The following CCDC88B variants were observed in gnomAD, a reference collection of about 807,000 sequenced individuals.
CCDC88B encodes coiled-coil domain-containing protein 88B.
Under a neutral mutation model 183.7 loss-of-function variants are expected in CCDC88B, and 138 were observed. The ratio of observed to expected loss-of-function variants is 0.75; its 90% CI spans 0.65 to 0.87. The LOEUF (loss-of-function observed/expected upper bound fraction) is 0.87, where lower values mean the gene tolerates loss of function less well. CCDC88B is among the 40% of genes least tolerant of loss of function. CCDC88B has a pLI of 0.00. For missense variants in CCDC88B, 1,822 were observed against 1,965.6 expected (o/e 0.93, Z 1.38); for synonymous variants, 835 against 867.5 (o/e 0.96, Z 0.66).
chr11:64,353,315 G>A, intron 21 of CCDC88B, 36 bp from the exon 22 acceptor site: 1 of 1,607,106 alleles, frequency 6.2e-7, no homozygotes. Flanking sequence ...TCCTGAGCTG[G>A]GTCCCACCCT....
chr11:64,350,159 G>T (rs2036271290), intron 16 of CCDC88B: 1 of 175,246 alleles, frequency 5.7e-6, no homozygotes, highest in Non-Finnish European at 1.2e-5. Context: ...GGCTTGGGAG[G>T]GTGGTACCCA....
rs747127696 is a variant in CCDC88B, at chr11:64,354,058, G to T, written c.3987G>T (p.Glu1329Asp). 7 of 1,443,588 alleles carry T rather than the reference G, an allele frequency of 4.8e-6. No individual in the cohort carries two copies. The highest frequency in any genetic ancestry group is 9.2e-7 in the Non-Finnish European group (1 of 1,092,724). The allele number at this position is 1,443,588 out of a possible 1,614,324, so 89.4% of individuals were successfully genotyped here. Residue 1329 changes from glutamate to aspartate, a missense_variant, in exon 24 of 27, where the codon GAG (glutamate) becomes GAT (aspartate). Coordinates refer to ENST00000356786, the MANE Select transcript of CCDC88B (RefSeq NM_032251.6). ...KVKRLMRPRREGGPPGGLRLG... is the reference protein window; with the variant it reads ...KVKRLMRPRRDGGPPGGLRLG... ...AGAGGCTGATGCGGCCCCGGCGGGA[G>T]GGGGGCCCCCCTGGGGGGCTGCGCC...
chr11:64,349,838 T>A, intron 16 of CCDC88B, 170 bp downstream of exon 16: 1 of 644,672 alleles, frequency 1.6e-6, no homozygotes, highest in South Asian at 1.9e-5. Context: ...GGGAGTCAGG[T>A]GGCCGTGTTG....
chr11:64,355,268 C>A lies in CCDC88B; in HGVS notation c.4174C>A (p.Gln1392Lys), dbSNP rs965773811. The A allele has an allele frequency of 1.9e-6, 3 of 1,578,498 alleles. No individual in the cohort carries two copies. Among genetic ancestry groups the A allele is most frequent in the Admixed American group, 1.8e-5 (1 of 54,522 alleles). ...CLRDETLAGG[Q>K]RRKLSSRFPV... ...GCGGGATGAGACCTTGGCAGGCGGG[C>A]AGCGGCGGAAACTCAGCTCAAGGTT... is the stretch of plus-strand genomic sequence containing the variant. The change falls in exon 25 of 27, where the codon CAG (glutamine) becomes AAG (lysine). Residue 1392 changes from glutamine to lysine, a missense_variant. Transcript: ENST00000356786.
chr11:64,341,356 A>G (rs1023781906), intron 5 of CCDC88B, 28 bp downstream of exon 5: 5 of 1,613,876 alleles, frequency 3.1e-6, no homozygotes, highest in Non-Finnish European at 4.2e-6. Context: ...AGGAAAGGTT[A>G]GGGTCGAGCT....
Position 64,353,496 on chromosome 11 carries a change from T to C in CCDC88B, c.3833T>C (p.Leu1278Pro). ...DHLHREQREY[L>P]DQLNALRREK... Reference sequence around the variant, plus strand: ...CTGCACCGCGAACAGCGGGAGTACCTGTGAGTGGGCCGCCTGGGAGCGGGG... The same window carrying C: ...CTGCACCGCGAACAGCGGGAGTACCCGTGAGTGGGCCGCCTGGGAGCGGGG... Residue 1278 changes from leucine (L) to proline (P), a missense_variant and splice_region_variant, in exon 22 of 27, where the codon CTG becomes CCG. Physicochemically the swap from Leu to Pro is moderately conservative, Grantham distance 98. Transcript: ENST00000356786. 1 of 1,610,704 alleles carries C rather than the reference T, an allele frequency of 6.2e-7. No homozygotes were observed. The highest frequency in any genetic ancestry group is 8.5e-7 in the Non-Finnish European group (1 of 1,179,446).
intron 24 of CCDC88B, among the ~76,000 whole-genome samples, chr11:64,354,877 G>A (rs571853091): frequency 6.7e-4 from 38 of 57,090 alleles, no homozygotes; most frequent in African/African-American, 2.2e-3. Flanking sequence ...CCCCCTCCCT[G>A]CATGAGCCTC....
Position 64,341,592 on chromosome 11 carries a change from G to T in CCDC88B, c.532-7G>T. On this transcript the variant is annotated splice_polypyrimidine_tract_variant and splice_region_variant and intron_variant, in intron 6 of 26. Coordinates refer to ENST00000356786, the MANE Select transcript of CCDC88B (RefSeq NM_032251.6). ...GCTTCCACTGAACTGCTCTTCCTGC[G>T]CCCCAGGTGACCCAGCCGGGGGCCG... 5.0e-6 allele frequency: 8 copies of T among 1,602,310 alleles called. No homozygotes were observed. The highest frequency in any genetic ancestry group is 2.2e-5 in the South Asian group (2 of 89,790).
At chr11:64,351,702 C>A in intron 18 of CCDC88B, 86 bp downstream of exon 18, 1 of 1,414,186 alleles carries the variant, frequency 7.1e-7, no homozygotes, top group South Asian at 1.5e-5. Context: ...TTTTCTATCC[C>A]AGCTCCCAGC....
chr11:64,342,290 C>T lies in CCDC88B; in HGVS notation c.822-4C>T. 1 of 1,584,160 alleles carries T rather than the reference C, an allele frequency of 6.3e-7. No homozygotes were observed. Among genetic ancestry groups the T allele is most frequent in the Non-Finnish European group, 8.6e-7 (1 of 1,165,854 alleles). ...GACCCTCCCTAGACTCCCCTTCCCT[C>T]CAGGGAGGAGAAGGCCGAGCTGCTG... On this transcript the variant is annotated splice_polypyrimidine_tract_variant and splice_region_variant and intron_variant, in intron 8 of 26. Coordinates refer to ENST00000356786, the MANE Select transcript of CCDC88B (RefSeq NM_032251.6).
Position 64,349,162 on chromosome 11 carries a change from C to T in CCDC88B, c.2617-169C>T, listed in dbSNP as rs1591290154. On this transcript the variant is annotated intron_variant, in intron 14 of 26. Transcript: ENST00000356786. ...GCTCTTTCATGCCCAATTTCAAGGG[C>T]CCCAGGCTTTGCTCCCATTTTATAG... 19 of 825,064 alleles carry T rather than the reference C, an allele frequency of 2.3e-5. No homozygotes were observed. In the East Asian group the frequency reaches 2.4e-4, roughly 10 times the overall value. 51.1% of individuals were successfully genotyped at this position (825,064 alleles called of 1,614,324 possible).
In CCDC88B at chr11:64,357,350, G is replaced by A. The variant is rs566555802; in HGVS notation, c.*256G>A. ...GTTCTGGTTCTTCCAGGTGGCTCCC[G>A]CTGAGGCAGCGGTCTCTGGGGGATC... is the stretch of plus-strand genomic sequence containing the variant. On this transcript the variant is annotated 3_prime_UTR_variant, in exon 27 of 27. Transcript: ENST00000356786. 4.3e-5 allele frequency: 31 copies of A among 718,334 alleles called. No homozygotes were observed. The highest frequency in any genetic ancestry group is 7.0e-5 in the African/African-American group (4 of 57,404). The allele number at this position is 718,334 out of a possible 1,614,324, so 44.5% of individuals were successfully genotyped here.
At chr11:64,351,086 T>C in intron 16 of CCDC88B, 74 bp from the exon 17 acceptor site, 1 of 1,102,398 alleles carries the variant, frequency 9.1e-7, no homozygotes, top group South Asian at 1.8e-5. Flanking sequence ...GGCAGGTCCA[T>C]AAGCGCAGGT....
Position 64,349,564 on chromosome 11 carries a change from G to A in CCDC88B, c.2758G>A (p.Glu920Lys), listed in dbSNP as rs1436510966. 6.2e-7 allele frequency: 1 copy of A among 1,601,096 alleles called. No individual in the cohort carries two copies. Among genetic ancestry groups the A allele is most frequent in the Admixed American group, 1.7e-5 (1 of 57,960 alleles). Reference sequence around the variant, plus strand: ...TTCTCCTGGCAGGTACCAGGGCTTGGAGCAGCGGCTGGAAGCTGAGCTGCA... The same window carrying A: ...TTCTCCTGGCAGGTACCAGGGCTTGAAGCAGCGGCTGGAAGCTGAGCTGCA... ...ESQHQRYQGL[E>K]QRLEAELQAA... The change falls in exon 16 of 27, where the codon GAG (glutamate) becomes AAG (lysine). Residue 920 changes from glutamate (E) to lysine (K), a missense_variant. Glu to Lys is a moderately conservative substitution (Grantham distance 56). Coordinates refer to ENST00000356786, the MANE Select transcript of CCDC88B (RefSeq NM_032251.6).
At chr11:64,355,535 C>T in intron 25 of CCDC88B, 25 bp from the exon 26 acceptor site, 1 of 1,612,490 alleles carries the variant, frequency 6.2e-7, no homozygotes, top group Non-Finnish European at 8.5e-7. Flanking sequence ...GGCCCTGGGC[C>T]CAGTGGTTGC....
At chr11:64,341,815 G>C in intron 7 of CCDC88B, 73 bp downstream of exon 7, 2 of 1,531,430 alleles carry the variant, frequency 1.3e-6, no homozygotes, top group Non-Finnish European at 1.7e-6. Context: ...TTGTGCAAGG[G>C]AGATGGAAGT....
intron 26 of CCDC88B, chr11:64,355,920 C>T (rs2036532457): frequency 3.3e-6 from 1 of 305,354 alleles, no homozygotes; most frequent in African/African-American, 2.2e-5. Context: ...GAGACAGGTA[C>T]AATGGATTTT....
At chr11:64,342,245 C>G in intron 8 of CCDC88B, 49 bp from the exon 9 acceptor site, 1 of 1,575,080 alleles carries the variant, frequency 6.3e-7, no homozygotes, top group Non-Finnish European at 8.6e-7. Context: ...CTGGGAAGGG[C>G]TGGGGGTTGT....
In CCDC88B at chr11:64,344,232, C is replaced by T. The variant is rs1028884392; in HGVS notation, c.1691C>T (p.Ala564Val). The change falls in exon 14 of 27, where the codon GCA (alanine) becomes GTA (valine). Residue 564 changes from alanine (A) to valine (V), a missense_variant. Coordinates refer to ENST00000356786, the MANE Select transcript of CCDC88B (RefSeq NM_032251.6). This position sits in a 1 kb window ranked among gnomAD's most constrained non-coding sequence, Gnocchi z 4.5. ...CAGGAGGCAGAGAGTCCCCTTCAGGCAGCTGCCATGGACCCCCAGGCCTCA... is the reference window on the plus strand; with the variant it reads ...CAGGAGGCAGAGAGTCCCCTTCAGGTAGCTGCCATGGACCCCCAGGCCTCA... ...DPQEAESPLQ[A>V]AAMDPQASDW... The T allele has an allele frequency of 2.5e-6, 4 of 1,612,934 alleles. No individual in the cohort carries two copies. Among genetic ancestry groups the T allele is most frequent in the African/African-American group, 1.3e-5 (1 of 75,008 alleles).
Sources: allele counts gnomAD v4.1 joint callset (sites outside exome capture counted in the v4.1 genomes callset), GRCh38; gene constraint gnomAD v4.1.1; non-coding constraint Gnocchi (gnomAD v3.1); transcripts MANE v1.5; gene names NCBI Gene and HGNC (gene_info 2026-07-23, HGNC 2026-07-21).